MUC17: variants seen among roughly 807,000 people sequenced by gnomAD.
MUC17 encodes mucin-17.
Under a neutral mutation model 170.3 loss-of-function variants are expected in MUC17, and 190 were observed. That is an observed-to-expected ratio of 1.12 (90% CI 0.99 to 1.26). The LOEUF (loss-of-function observed/expected upper bound fraction) is 1.26. Ranked by LOEUF, MUC17 falls within the 50% of genes most tolerant of loss-of-function variation. The probability of loss-of-function intolerance (pLI) is 0.00; values close to 1 mark genes in which losing one functional copy is unlikely to be tolerated. For synonymous variants in MUC17, 2,325 were observed against 2,002.5 expected (o/e 1.16, Z -4.30); for missense variants, 6,415 against 5,530.0 (o/e 1.16, Z -5.08).
Position 101,042,488 on chromosome 7 carries a change from A to G in MUC17, c.11072A>G (p.Glu3691Gly). ...ACCATGCCAATCTGGACGCCTAGTG[A>G]AGGAAGCACTCCATTAACAACTATG... ...GTTMPIWTPS[E>G]GSTPLTTMPV... is the part of the protein sequence containing the mutation. Residue 3691 changes from glutamate (E) to glycine (G), a missense_variant, in exon 3 of 13, where the codon GAA becomes GGA. By Grantham distance (98) the Glu-to-Gly change is moderately conservative (BLOSUM62 -2). Coordinates refer to ENST00000306151, the MANE Select transcript of MUC17 (RefSeq NM_001040105.2). 1 of 1,613,974 alleles carries G rather than the reference A, an allele frequency of 6.2e-7. No individual in the cohort carries two copies. Among genetic ancestry groups the G allele is most frequent in the African/African-American group, 1.3e-5 (1 of 75,000 alleles).
chr7:101,054,693 G>T (rs1795017145), intron 11 of MUC17, among the ~76,000 whole-genome samples: 1 of 152,138 alleles, frequency 6.6e-6, no homozygotes, highest in Non-Finnish European at 1.5e-5. Context: ...AGTGGTGCAT[G>T]CCTGTAATCC....
Position 101,040,463 on chromosome 7 carries a change from C to T in MUC17, c.9047C>T (p.Thr3016Ile), listed in dbSNP as rs139767638. ...TCAAGAACTCCTGCTGACACCAGCA[C>T]ACCTGTGACCACTTCTACTGAAGCC... ...TLSRTPADTS[T>I]PVTTSTEASS... Residue 3016 changes from threonine (T) to isoleucine (I), a missense_variant, in exon 3 of 13, where the codon ACA (threonine) becomes ATA (isoleucine). Transcript: ENST00000306151. The T allele has an allele frequency of 9.3e-5, 150 of 1,611,536 alleles. 1 individual carries two copies. The African/African-American group carries it at 1.4e-3, about 15-fold the overall frequency.
chr7:101,032,323 A>G lies in MUC17; in HGVS notation c.907A>G (p.Asn303Asp). Residue 303 changes from asparagine (N) to aspartate (D), a missense_variant, in exon 3 of 13, where the codon AAC becomes GAC. Coordinates refer to ENST00000306151, the MANE Select transcript of MUC17 (RefSeq NM_001040105.2). ...STLSTTPAATNIPVITSTEAS... is the reference protein window; with the variant it reads ...STLSTTPAATDIPVITSTEAS... Reference sequence around the variant, plus strand: ...CCTTTCAACAACTCCTGCTGCCACCAACATTCCTGTGATCACTTCTACTGA... The same window carrying G: ...CCTTTCAACAACTCCTGCTGCCACCGACATTCCTGTGATCACTTCTACTGA... 1 of 1,614,072 alleles carries G rather than the reference A, an allele frequency of 6.2e-7. No homozygotes were observed. Among genetic ancestry groups the G allele is most frequent in the Non-Finnish European group, 8.5e-7 (1 of 1,179,974 alleles).
Position 101,034,943 on chromosome 7 carries a change from A to T in MUC17, c.3527A>T (p.Glu1176Val), listed in dbSNP as rs1562807328. 2 of 1,614,012 alleles carry T rather than the reference A, an allele frequency of 1.2e-6. No homozygotes were observed. Among genetic ancestry groups the T allele is most frequent in the Non-Finnish European group, 1.7e-6 (2 of 1,179,960 alleles). The change falls in exon 3 of 13, where the codon GAG becomes GTG. Residue 1176 changes from glutamate (E) to valine (V), a missense_variant. Coordinates refer to ENST00000306151, the MANE Select transcript of MUC17 (RefSeq NM_001040105.2). ...AGCACCACGCTGGTGGTCAGTTCTGAGGCTAACACCCTTTCAACAACTCCT... is the reference window on the plus strand; with the variant it reads ...AGCACCACGCTGGTGGTCAGTTCTGTGGCTAACACCCTTTCAACAACTCCT... ...PVSTTLVVSS[E>V]ANTLSTTPVD...
At position 101,032,265 on chromosome 7, in the gene MUC17, C is replaced by T. The variant is rs1401506128; in HGVS notation, c.849C>T (p.Ser283=). 1.2e-6 allele frequency: 2 copies of T among 1,613,638 alleles called. No homozygotes were observed. The highest frequency in any genetic ancestry group is 1.7e-5 in the Admixed American group (1 of 59,996). The part of the protein sequence containing the change: ...GSTPLTRMPL[S]VMLVVSSEAS... ...CTCCATTAACAAGAATGCCTCTCAGCGTGATGCTGGTGGTCAGTTCTGAGG... is the reference window on the plus strand; with the variant it reads ...CTCCATTAACAAGAATGCCTCTCAGTGTGATGCTGGTGGTCAGTTCTGAGG... Residue 283 remains serine (S), a synonymous_variant, in exon 3 of 13, where the codon AGC becomes AGT. Coordinates refer to ENST00000306151, the MANE Select transcript of MUC17 (RefSeq NM_001040105.2).
chr7:101,031,507 C>T (rs1794278099), intron 2 of MUC17, 94 bp from the exon 3 acceptor site: 3 of 1,310,092 alleles, frequency 2.3e-6, no homozygotes, highest in Non-Finnish European at 3.1e-6. Flanking sequence ...CTTATCTGAA[C>T]ACATTTTCAG....
Position 101,039,375 on chromosome 7 carries a change from T to A in MUC17, c.7959T>A (p.Leu2653=). Residue 2653 remains leucine, a synonymous_variant, in exon 3 of 13, where the codon CTT becomes CTA. Coordinates refer to ENST00000306151, the MANE Select transcript of MUC17 (RefSeq NM_001040105.2). ...MPVASSEAST[L]STTPVDTRTL... is the part of the protein sequence containing the mutation. ...TGGCCAGTTCTGAGGCTAGCACCCTTTCAACAACTCCTGTTGACACCAGGA... is the reference window on the plus strand; with the variant it reads ...TGGCCAGTTCTGAGGCTAGCACCCTATCAACAACTCCTGTTGACACCAGGA... The A allele has an allele frequency of 1.2e-6, 2 of 1,612,364 alleles. No individual in the cohort carries two copies. Among genetic ancestry groups the A allele is most frequent in the African/African-American group, 2.7e-5 (2 of 74,822 alleles).
In MUC17 at chr7:101,039,720, T is replaced by A. The variant is rs541183403; in HGVS notation, c.8304T>A (p.Ala2768=). 1.6e-5 allele frequency: 25 copies of A among 1,611,414 alleles called. No homozygotes were observed. The Admixed American group carries it at 2.8e-4, about 18-fold the overall frequency. The change falls in exon 3 of 13, where the codon GCT becomes GCA. Residue 2768 remains alanine, a synonymous_variant. Coordinates refer to ENST00000306151, the MANE Select transcript of MUC17 (RefSeq NM_001040105.2). ...CCCTGCCAGTGGCCAGTTCTGAGGC[T>A]AGCACCGTTTCAACAACTGCTGTTG... The part of the protein sequence containing the change: ...VSTLPVASSE[A]STVSTTAVDT...
chr7:101,034,002 A>C lies in MUC17; in HGVS notation c.2586A>C (p.Glu862Asp), dbSNP rs554342956. Reference sequence around the variant, plus strand: ...GCATGCCAACCTCAACTTATAGTGAAGGAAGAACTCCTTTAACAAGTATGC... The same window carrying C: ...GCATGCCAACCTCAACTTATAGTGACGGAAGAACTCCTTTAACAAGTATGC... ...GTSMPTSTYS[E>D]GRTPLTSMPV... The change falls in exon 3 of 13, where the codon GAA becomes GAC. Residue 862 changes from glutamate to aspartate, a missense_variant. By Grantham distance (45) the Glu-to-Asp change is conservative (BLOSUM62 2). Transcript: ENST00000306151. The C allele has an allele frequency of 3.7e-6, 6 of 1,600,008 alleles. No homozygotes were observed. The highest frequency in any genetic ancestry group is 3.4e-5 in the Admixed American group (2 of 59,208).
In MUC17 at chr7:101,032,720, C is replaced by G; in HGVS notation, c.1304C>G (p.Thr435Arg). 6.3e-7 allele frequency: 1 copy of G among 1,577,982 alleles called. No homozygotes were observed. The highest frequency in any genetic ancestry group is 8.7e-7 in the Non-Finnish European group (1 of 1,155,168). ...GCTAGTGAAGCCAGCTCATCTCCCA[C>G]AACTGCTGAAGATACCAGCATTGCA... ...TTASEASSSP[T>R]TAEDTSIATS... The change falls in exon 3 of 13, where the codon ACA (threonine) becomes AGA (arginine). Residue 435 changes from threonine to arginine, a missense_variant. Coordinates refer to ENST00000306151, the MANE Select transcript of MUC17 (RefSeq NM_001040105.2).
chr7:101,039,854 C>G lies in MUC17; in HGVS notation c.8438C>G (p.Thr2813Ser), dbSNP rs1794628960. The change falls in exon 3 of 13, where the codon ACT (threonine) becomes AGT (serine). Residue 2813 changes from threonine to serine, a missense_variant. By Grantham distance (58) the Thr-to-Ser change is moderately conservative. Coordinates refer to ENST00000306151, the MANE Select transcript of MUC17 (RefSeq NM_001040105.2). The part of the protein sequence containing the change: ...STPSETSTPL[T>S]SMPVNHTPVA... ...CCTAGTGAAACAAGTACTCCATTAACTAGTATGCCTGTCAACCACACGCCA... is the reference window on the plus strand; with the variant it reads ...CCTAGTGAAACAAGTACTCCATTAAGTAGTATGCCTGTCAACCACACGCCA... The G allele has an allele frequency of 6.2e-7, 1 of 1,612,188 alleles. No homozygotes were observed. The highest frequency in any genetic ancestry group is 8.5e-7 in the Non-Finnish European group (1 of 1,179,376).
chr7:101,037,873 A>G lies in MUC17; in HGVS notation c.6457A>G (p.Thr2153Ala). 6.2e-7 allele frequency: 1 copy of G among 1,610,660 alleles called. No homozygotes were observed. The highest frequency in any genetic ancestry group is 8.5e-7 in the Non-Finnish European group (1 of 1,178,122). ...PIPTEGTSMQTSTYSDRRTPL... is the reference protein window; with the variant it reads ...PIPTEGTSMQASTYSDRRTPL... ...ACCTACTGAAGGTACCAGCATGCAA[A>G]CCTCAACTTATAGTGACAGAAGAAC... The change falls in exon 3 of 13, where the codon ACC becomes GCC. Residue 2153 changes from threonine to alanine, a missense_variant. By Grantham distance (58) the Thr-to-Ala change is moderately conservative. Coordinates refer to ENST00000306151, the MANE Select transcript of MUC17 (RefSeq NM_001040105.2).
chr7:101,053,885 A>G (rs1420500635), intron 11 of MUC17, among the ~76,000 whole-genome samples: 4 of 150,488 alleles, frequency 2.7e-5, no homozygotes, highest in African/African-American at 7.3e-5. Flanking sequence ...CGTCTCAAAA[A>G]AAAAAAAAAG....
rs1390674943 is a variant in MUC17 at position 101,031,722 on chromosome 7, T to A, written c.306T>A (p.Thr102=). The A allele has an allele frequency of 6.2e-6, 10 of 1,607,622 alleles. No individual in the cohort carries two copies. The highest frequency in any genetic ancestry group is 3.3e-4 in the Middle Eastern group (2 of 6,068). Residue 102 remains threonine, a synonymous_variant, in exon 3 of 13, where the codon ACT becomes ACA. Transcript: ENST00000306151. ...TSIESSVTSD[T]PGVSSTRMTP... Reference sequence around the variant, plus strand: ...TTGAGTCCAGTGTGACTTCAGACACTCCTGGTGTCTCCAGTACCAGGATGA... The same window carrying A: ...TTGAGTCCAGTGTGACTTCAGACACACCTGGTGTCTCCAGTACCAGGATGA...
At position 101,035,089 on chromosome 7, in the gene MUC17, C is replaced by T. The variant is rs79819548; in HGVS notation, c.3673C>T (p.Pro1225Ser). 79,210 of 1,612,276 alleles carry T rather than the reference C, an allele frequency of 0.049. 2,220 individuals carry two copies. Among genetic ancestry groups the T allele is most frequent in the Middle Eastern group, 0.085 (513 of 6,050 alleles). ...AAGAAGCACTCCATTAACAAGTATG[C>T]CTGTCAGACACACGCCAGTGGCCAG... ...GERSTPLTSM[P>S]VRHTPVASSE... Residue 1225 changes from proline to serine, a missense_variant, in exon 3 of 13, where the codon CCT becomes TCT. By Grantham distance (74) the Pro-to-Ser change is moderately conservative. Transcript: ENST00000306151.
chr7:101,020,541 C>A (rs144861608), intron 1 of MUC17, among the ~76,000 whole-genome samples: 114 of 152,188 alleles, frequency 7.5e-4, no homozygotes, highest in East Asian at 1.4e-3. Flanking sequence ...GAGCTCCCCC[C>A]CCGAGGCATG....
rs1392816541 is a variant in MUC17, at chr7:101,034,546, T to A, written c.3130T>A (p.Leu1044Ile). 1 of 1,612,622 alleles carries A rather than the reference T, an allele frequency of 6.2e-7. No homozygotes were observed. The highest frequency in any genetic ancestry group is 8.5e-7 in the Non-Finnish European group (1 of 1,179,386). Residue 1044 changes from leucine to isoleucine, a missense_variant, in exon 3 of 13, where the codon TTA becomes ATA. Transcript: ENST00000306151. ...AACTCCTAGTGAAGGAAGCACTCCA[T>A]TAACACGTATGCCTGTCAGCACCAC... is the stretch of plus-strand genomic sequence containing the variant. ...TSTPSEGSTP[L>I]TRMPVSTTMV...
chr7:101,058,159 GAAACAA>G lies in MUC17; in HGVS notation c.*116_*121del. The stretch of plus-strand genomic sequence containing the variant: ...CTCAATGTTCCCATTGTAAGTACAG[GAAACAA>G]GCCCTGTACTTACCAAGGAGAAAGA... On this transcript the variant is annotated 3_prime_UTR_variant, in exon 13 of 13. Transcript: ENST00000306151. The G allele has an allele frequency of 3.1e-6, 3 of 963,792 alleles. No homozygotes were observed. Among genetic ancestry groups the G allele is most frequent in the Non-Finnish European group, 5.0e-6 (3 of 603,846 alleles). The allele number at this position is 963,792 out of a possible 1,614,324, so 59.7% of individuals were successfully genotyped here.
chr7:101,039,480 T>C lies in MUC17; in HGVS notation c.8064T>C (p.Gly2688=). 6.2e-7 allele frequency: 1 copy of C among 1,611,204 alleles called. No homozygotes were observed. Among genetic ancestry groups the C allele is most frequent in the South Asian group, 1.1e-5 (1 of 90,732 alleles). Residue 2688 remains glycine (G), a synonymous_variant, in exon 3 of 13, where the codon GGT becomes GGC. Coordinates refer to ENST00000306151, the MANE Select transcript of MUC17 (RefSeq NM_001040105.2). ...EGSSMPTSTP[G]ERSTPLTNIL... ...GCAGCATGCCAACCTCAACTCCTGG[T>C]GAAAGAAGCACTCCATTAACAAATA... is the stretch of plus-strand genomic sequence containing the variant.
Sources: gnomAD v4.1 joint callset for allele counts (sites outside exome capture counted in the v4.1 genomes callset) on GRCh38, gnomAD v4.1.1 for gene constraint, MANE v1.5 for transcripts, NCBI Gene and HGNC (gene_info 2026-07-23, HGNC 2026-07-21) for gene names.